PTPRO: variants seen among roughly 807,000 people sequenced by gnomAD.
PTPRO encodes protein tyrosine phosphatase receptor type O.
A neutral mutation model predicts 145.2 loss-of-function variants in PTPRO; 62 were observed. The ratio of observed to expected loss-of-function variants is 0.43; its 90% CI spans 0.35 to 0.53. The LOEUF (loss-of-function observed/expected upper bound fraction) is 0.53. Ranked by LOEUF, PTPRO falls within the 20% of genes least tolerant of loss-of-function variation. PTPRO has a pLI of 0.01. For missense variants in PTPRO, 1,345 were observed against 1,482.7 expected, an observed-to-expected ratio of 0.91 and a Z score of 1.53; for synonymous variants, 565 against 514.7, an observed-to-expected ratio of 1.10 and a Z score of -1.32.
At position 15,322,876 on chromosome 12, in the gene PTPRO, T is replaced by G; in HGVS notation, c.75+75T>G. 6.7e-7 allele frequency: 1 copy of G among 1,484,552 alleles called. No individual in the cohort carries two copies. Among genetic ancestry groups the G allele is most frequent in the African/African-American group, 1.4e-5 (1 of 70,948 alleles). 92.0% of individuals were successfully genotyped at this position (1,484,552 alleles called of 1,614,324 possible). ...CGCTCCGGCGCCCTCGCTCTGCCGT[T>G]GGGAGCGGCGCGCCCCAGGGCACGA... On this transcript the variant is annotated intron_variant, in intron 1 of 26. Coordinates refer to ENST00000281171, the MANE Select transcript of PTPRO (RefSeq NM_030667.3). The surrounding 1 kb of genome is among the most constrained non-coding windows in gnomAD (Gnocchi z 6.3).
intron 1 of PTPRO, among the ~76,000 whole-genome samples, chr12:15,356,511 C>G (rs1339266218): frequency 1.3e-5 from 2 of 152,092 alleles, no homozygotes; most frequent in African/African-American, 4.8e-5. Context: ...GGGGTTCATT[C>G]CCCTCTAGGT....
At chr12:15,335,208 C>T (rs1211395962) in intron 1 of PTPRO, among the ~76,000 whole-genome samples, 8 of 151,988 alleles carry the variant, frequency 5.3e-5, no homozygotes, top group Non-Finnish European at 8.8e-5. Context: ...AATATCTTCT[C>T]ATTTGAATGT....
At chr12:15,589,877 G>A (rs888883371) in intron 25 of PTPRO, among the ~76,000 whole-genome samples, 3 of 152,186 alleles carry the variant, frequency 2.0e-5, no homozygotes, top group Admixed American at 2.0e-4. Flanking sequence ...GTCAATTGCA[G>A]ATAACAGCCA....
intron 1 of PTPRO, among the ~76,000 whole-genome samples, chr12:15,468,800 C>T (rs774527010): frequency 6.6e-5 from 10 of 152,208 alleles, no homozygotes; most frequent in Non-Finnish European, 1.5e-4. Flanking sequence ...AGTCAAGCAT[C>T]TGTGTAAAGG....
At position 15,503,960 on chromosome 12, in the gene PTPRO, A is replaced by C. The variant is rs200206218; in HGVS notation, c.1158A>C (p.Ala386=). Residue 386 remains alanine (A), a synonymous_variant, in exon 6 of 27, where the codon GCA becomes GCC. Transcript: ENST00000281171. ...MVDEEAHEFV[A]ELKEPGKYKL... The stretch of plus-strand genomic sequence containing the variant: ...ATGAAGAAGCACATGAATTTGTTGC[A>C]GAACTGAAGGAACCTGGGAAATATA... 6.1e-5 allele frequency: 97 copies of C among 1,596,134 alleles called. No homozygotes were observed. Among genetic ancestry groups the C allele is most frequent in the Non-Finnish European group, 4.9e-5 (57 of 1,163,952 alleles).
chr12:15,594,557 A>G (rs1944618835), intron 25 of PTPRO, among the ~76,000 whole-genome samples: 2 of 151,912 alleles, frequency 1.3e-5, no homozygotes, highest in East Asian at 1.9e-4. Flanking sequence ...ACACACACAT[A>G]TATATAAACA....
At chr12:15,330,418 CAGTCTACTCTCG>C (rs1866574404) in intron 1 of PTPRO, among the ~76,000 whole-genome samples, 2 of 152,194 alleles carry the variant, frequency 1.3e-5, no homozygotes, top group South Asian at 2.1e-4. Flanking sequence ...GTGTGCTGGA[CAGTCTACTCTCG>C]AGATCAACTG....
chr12:15,495,850 A>G (rs767893580), intron 2 of PTPRO, among the ~76,000 whole-genome samples: 14 of 152,160 alleles, frequency 9.2e-5, no homozygotes, highest in Non-Finnish European at 1.6e-4. Flanking sequence ...TTTTTTACAC[A>G]GAGTGTAATA....
At chr12:15,412,677 C>G (rs1254705309) in intron 1 of PTPRO, among the ~76,000 whole-genome samples, 1 of 152,218 alleles carries the variant, frequency 6.6e-6, no homozygotes, top group Non-Finnish European at 1.5e-5. Context: ...TTTACACTTT[C>G]AAATGCTAGC....
intron 25 of PTPRO, among the ~76,000 whole-genome samples, chr12:15,590,282 G>T (rs1384918466): frequency 6.6e-6 from 1 of 152,134 alleles, no homozygotes; most frequent in East Asian, 1.9e-4. Context: ...AGACAGCACC[G>T]CCTGCCTCAG....
chr12:15,479,826 C>G (rs1205288864), intron 1 of PTPRO, among the ~76,000 whole-genome samples: 1 of 152,154 alleles, frequency 6.6e-6, no homozygotes, highest in Non-Finnish European at 1.5e-5. Flanking sequence ...AAGCCTAGCC[C>G]TGCACTGTTC....
chr12:15,543,833 A>G (rs1943224807), intron 12 of PTPRO, among the ~76,000 whole-genome samples: 1 of 152,198 alleles, frequency 6.6e-6, no homozygotes, highest in Non-Finnish European at 1.5e-5. Flanking sequence ...CCTTCGAATG[A>G]GCAGAATAAA....
intron 1 of PTPRO, among the ~76,000 whole-genome samples, chr12:15,422,390 A>T (rs1333584141): frequency 6.6e-6 from 1 of 152,188 alleles, no homozygotes; most frequent in African/African-American, 2.4e-5. Context: ...TGACTTTATG[A>T]TTAATAAAAT....
At chr12:15,385,275 G>T (rs1938987467) in intron 1 of PTPRO, among the ~76,000 whole-genome samples, 1 of 152,258 alleles carries the variant, frequency 6.6e-6, no homozygotes, top group Non-Finnish European at 1.5e-5. Context: ...GAAGTCCAGG[G>T]AGCAGAGGAA....
At chr12:15,572,956 G>C (rs1246605573) in intron 19 of PTPRO, among the ~76,000 whole-genome samples, 1 of 152,198 alleles carries the variant, frequency 6.6e-6, no homozygotes, top group African/African-American at 2.4e-5. Context: ...GCACAATAGA[G>C]AATTGTCCTA....
chr12:15,496,134 C>CTTTTT (rs1349321752), intron 2 of PTPRO, among the ~76,000 whole-genome samples: 15 of 93,142 alleles, frequency 1.6e-4, no homozygotes, highest in South Asian at 7.7e-4. Flanking sequence ...TTTTTCTTTT[C>CTTTTT]TTTTTTTGTT....
Position 15,532,547 on chromosome 12 carries a change from A to T in PTPRO, c.2164+6285A>T, listed in dbSNP as rs997910337. On this transcript the variant is annotated intron_variant, in intron 12 of 26. Coordinates refer to ENST00000281171, the MANE Select transcript of PTPRO (RefSeq NM_030667.3). ...TCCCTCTGCTGTGACTAATAAAAAC[A>T]TTCCTCCAAACTTTCAAACACCCTC... is the stretch of plus-strand genomic sequence containing the variant. Among the ~76,000 whole-genome samples, 7 of 152,248 alleles carry T rather than the reference A, an allele frequency of 4.6e-5. No homozygotes were observed. The East Asian group carries it at 9.6e-4, about 21-fold the overall frequency.
intron 1 of PTPRO, among the ~76,000 whole-genome samples, chr12:15,429,185 C>T (rs1004227341): frequency 3.3e-5 from 5 of 152,152 alleles, no homozygotes; most frequent in African/African-American, 1.2e-4. Flanking sequence ...GAGTGCTTAC[C>T]ATGCACGAAG....
At chr12:15,445,370 A>G (rs759064689) in intron 1 of PTPRO, among the ~76,000 whole-genome samples, 13 of 152,174 alleles carry the variant, frequency 8.5e-5, no homozygotes, top group Non-Finnish European at 1.8e-4. Flanking sequence ...AGGGTCTGTT[A>G]CTGAGTCCCT....
Sources: gnomAD v4.1 joint callset for allele counts (sites outside exome capture counted in the v4.1 genomes callset) on GRCh38, gnomAD v4.1.1 for gene constraint, Gnocchi (gnomAD v3.1) non-coding constraint, MANE v1.5 for transcripts, NCBI Gene and HGNC (gene_info 2026-07-23, HGNC 2026-07-21) for gene names.